GNA14: variants seen among roughly 807,000 people sequenced by gnomAD.
The protein encoded by GNA14 is G protein subunit alpha 14, also known as guanine nucleotide-binding protein subunit alpha-14.
In GNA14, 50 loss-of-function variants were observed where a neutral mutation model predicts 42.0. That is an observed-to-expected ratio of 1.19 (90% CI 0.95 to 1.51). The LOEUF (loss-of-function observed/expected upper bound fraction) is 1.51, where lower values mean the gene tolerates loss of function less well. Ranked by LOEUF, GNA14 falls within the 40% of genes most tolerant of loss-of-function variation. The probability of loss-of-function intolerance (pLI) is 0.00; values close to 1 mark genes in which losing one functional copy is unlikely to be tolerated. For missense variants in GNA14, 473 were observed against 446.2 expected (o/e 1.06, Z -0.54); for synonymous variants, 173 against 163.1 (o/e 1.06, Z -0.46).
intron 2 of GNA14, among the ~76,000 whole-genome samples, chr9:77,514,819 T>A (rs1055501921): frequency 6.6e-6 from 1 of 152,140 alleles, no homozygotes; most frequent in Admixed American, 6.5e-5. Flanking sequence ...TTCACCGTGT[T>A]AGCCAGGATA....
intron 1 of GNA14, among the ~76,000 whole-genome samples, chr9:77,556,619 A>C (rs1039264653): frequency 6.6e-6 from 1 of 152,040 alleles, no homozygotes; most frequent in Non-Finnish European, 1.5e-5. Context: ...GCCACTCACA[A>C]CTGTGTGCTC....
chr9:77,644,005 A>G (rs992338030), intron 1 of GNA14, among the ~76,000 whole-genome samples: 1 of 152,222 alleles, frequency 6.6e-6, no homozygotes, highest in African/African-American at 2.4e-5. Context: ...TTTCATCTCT[A>G]CACCAGTGTT....
At chr9:77,513,493 C>A (rs1171241918) in intron 2 of GNA14, among the ~76,000 whole-genome samples, 3 of 152,202 alleles carry the variant, frequency 2.0e-5, no homozygotes, top group African/African-American at 7.2e-5. Flanking sequence ...CATGGATTCA[C>A]ACTCATTTTA....
chr9:77,561,108 T>A (rs113066549), intron 1 of GNA14, among the ~76,000 whole-genome samples: 2,258 of 152,290 alleles, frequency 0.015, 58 homozygotes, highest in African/African-American at 0.05. Flanking sequence ...AAGGCTTTTA[T>A]ATAGGAATTG....
At chr9:77,590,162 C>T (rs1333616863) in intron 1 of GNA14, among the ~76,000 whole-genome samples, 1 of 152,120 alleles carries the variant, frequency 6.6e-6, no homozygotes, top group Non-Finnish European at 1.5e-5. Context: ...AGTGATCCAC[C>T]CCCCTCGGCC....
intron 1 of GNA14, among the ~76,000 whole-genome samples, chr9:77,560,988 A>T (rs767359299): frequency 6.6e-6 from 1 of 152,364 alleles, no homozygotes; most frequent in East Asian, 1.9e-4. Context: ...TGTAGACCAC[A>T]TAAGACCGTC....
intron 2 of GNA14, among the ~76,000 whole-genome samples, chr9:77,504,660 C>CTT (rs34631344): frequency 0.07 from 5,309 of 76,000 alleles, 134 homozygotes; most frequent in East Asian, 0.093. Context: ...GTCTGGCCGA[C>CTT]TTTTTTTTTT....
intron 1 of GNA14, among the ~76,000 whole-genome samples, chr9:77,631,993 T>A (rs559649930): frequency 1.3e-5 from 2 of 151,876 alleles, no homozygotes; most frequent in South Asian, 2.1e-4. Flanking sequence ...ATCCCTGTGC[T>A]CTCAGGGCTC....
At chr9:77,503,203 A>T (rs1326483783) in intron 2 of GNA14, among the ~76,000 whole-genome samples, 1 of 152,212 alleles carries the variant, frequency 6.6e-6, no homozygotes, top group Non-Finnish European at 1.5e-5. Context: ...GGGGGTTCCC[A>T]TATCTTTTTA....
intron 1 of GNA14, among the ~76,000 whole-genome samples, chr9:77,559,391 G>C (rs1208940395): frequency 2.0e-5 from 3 of 152,140 alleles, no homozygotes; most frequent in South Asian, 4.2e-4. Flanking sequence ...ATAAAGGACT[G>C]GGGGAGCTGA....
intron 5 of GNA14, among the ~76,000 whole-genome samples, chr9:77,426,603 C>A (rs1835458191): frequency 1.3e-5 from 2 of 152,210 alleles, no homozygotes; most frequent in Admixed American, 1.3e-4. Flanking sequence ...CGCGCCTGGC[C>A]TTGTTTAGAA....
chr9:77,549,991 C>T (rs962169736), intron 1 of GNA14, among the ~76,000 whole-genome samples: 1 of 152,172 alleles, frequency 6.6e-6, no homozygotes, highest in South Asian at 2.1e-4. Context: ...GTACATGTCA[C>T]TAAATCTGAA....
At chr9:77,495,315 G>A (rs1484792450) in intron 2 of GNA14, among the ~76,000 whole-genome samples, 1 of 151,822 alleles carries the variant, frequency 6.6e-6, no homozygotes, top group African/African-American at 2.4e-5. Flanking sequence ...ACTAGCTAAT[G>A]ATGAATTTTT....
intron 1 of GNA14, among the ~76,000 whole-genome samples, chr9:77,554,353 A>G (rs908798868): frequency 1.3e-5 from 2 of 152,214 alleles, no homozygotes; most frequent in Admixed American, 6.5e-5. Context: ...TTATTTATGC[A>G]CAAGAAAGTA....
At chr9:77,634,478 AG>A (rs1824149604) in intron 1 of GNA14, among the ~76,000 whole-genome samples, 2 of 150,084 alleles carry the variant, frequency 1.3e-5, no homozygotes, top group Non-Finnish European at 3.0e-5. Context: ...GAGGGAAGGA[AG>A]GAAGGAAGGA....
intron 1 of GNA14, among the ~76,000 whole-genome samples, chr9:77,646,169 C>G (rs533867729): frequency 1.3e-5 from 2 of 152,302 alleles, no homozygotes; most frequent in South Asian, 4.1e-4. Flanking sequence ...CTAGGGGGGC[C>G]TCTTGGGCAC....
chr9:77,581,144 T>C (rs1309477011), intron 1 of GNA14, among the ~76,000 whole-genome samples: 2 of 152,060 alleles, frequency 1.3e-5, no homozygotes, highest in African/African-American at 4.8e-5. Flanking sequence ...TTTTGCAGGG[T>C]GTGTTTACGG....
chr9:77,558,264 C>T (rs1297041447), intron 1 of GNA14, among the ~76,000 whole-genome samples: 1 of 151,240 alleles, frequency 6.6e-6, no homozygotes, highest in Non-Finnish European at 1.5e-5. Flanking sequence ...CATTGTCCAG[C>T]AAAACAGAAC....
intron 1 of GNA14, among the ~76,000 whole-genome samples, chr9:77,583,715 T>A (rs1453484720): frequency 6.6e-6 from 1 of 152,114 alleles, no homozygotes; most frequent in Middle Eastern, 3.2e-3. Context: ...GCCCCTAAAC[T>A]AATGTTTCTA....
Sources: gnomAD v4.1 joint callset for allele counts (sites outside exome capture counted in the v4.1 genomes callset) on GRCh38, gnomAD v4.1.1 for gene constraint, MANE v1.5 for transcripts, NCBI Gene and HGNC (gene_info 2026-07-23, HGNC 2026-07-21) for gene names.